The following SP4 variants were observed in gnomAD, a reference collection of about 807,000 sequenced individuals.
SP4 encodes transcription factor Sp4.
SP4 carries 19 observed loss-of-function variants against 72.8 expected under a neutral mutation model. The observed-to-expected ratio is 0.26, with a 90% CI of 0.18 to 0.38. SP4 has a LOEUF of 0.38. SP4 is among the 10% of genes least tolerant of loss of function. The pLI is 1.00. For synonymous variants in SP4, 395 were observed against 333.1 expected, an observed-to-expected ratio of 1.19 and a Z score of -2.02; for missense variants, 1,008 against 926.3, an observed-to-expected ratio of 1.09 and a Z score of -1.14.
intron 4 of SP4, among the ~76,000 whole-genome samples, chr7:21,477,704 C>A (rs925011313): frequency 1.1e-4 from 17 of 152,004 alleles, no homozygotes; most frequent in African/African-American, 4.1e-4. Flanking sequence ...CCACACCCGG[C>A]TAGTTTTTGT....
At chr7:21,439,273 G>T (rs9639377) in intron 3 of SP4, among the ~76,000 whole-genome samples, 109,698 of 152,120 alleles carry the variant, frequency 0.72, 40,581 homozygotes, top group East Asian at 0.9. Flanking sequence ...ACTCACAGCT[G>T]TAAATTTGTC....
intron 3 of SP4, among the ~76,000 whole-genome samples, chr7:21,465,494 G>A (rs1228197488): frequency 6.6e-6 from 1 of 152,186 alleles, no homozygotes; most frequent in Non-Finnish European, 1.5e-5. Context: ...TTAGAAGACA[G>A]CATTAGACAA....
Position 21,505,714 on chromosome 7 carries a change from C to T in SP4, c.2108-5308C>T, listed in dbSNP as rs541657625. On this transcript the variant is annotated intron_variant, in intron 5 of 5. Coordinates refer to ENST00000222584, the MANE Select transcript of SP4 (RefSeq NM_003112.5). ...GTCACCACAGGGTGGTAGGTCTGGACAGTTTGATTTATAGCCCTTAGATCT... is the reference window on the plus strand; with the variant it reads ...GTCACCACAGGGTGGTAGGTCTGGATAGTTTGATTTATAGCCCTTAGATCT... 1.1e-4 allele frequency among the ~76,000 whole-genome samples: 17 copies of T among 152,268 alleles called. No individual in the cohort carries two copies. In the South Asian group the frequency reaches 2.9e-3, roughly 26 times the overall value.
At chr7:21,478,081 T>A (rs1028730496) in intron 4 of SP4, among the ~76,000 whole-genome samples, 3 of 152,204 alleles carry the variant, frequency 2.0e-5, no homozygotes, top group Admixed American at 1.3e-4. Context: ...AATTTCTGTC[T>A]TTATAGATTT....
At chr7:21,436,678 T>G (rs1303431575) in intron 3 of SP4, among the ~76,000 whole-genome samples, 1 of 152,194 alleles carries the variant, frequency 6.6e-6, no homozygotes, top group African/African-American at 2.4e-5. Flanking sequence ...GAGTTAAGAT[T>G]GGCTGTTAAG....
intron 3 of SP4, among the ~76,000 whole-genome samples, chr7:21,432,013 C>T (rs1179125354): frequency 6.6e-6 from 1 of 152,150 alleles, no homozygotes; most frequent in East Asian, 1.9e-4. Flanking sequence ...TATCTAGATA[C>T]CAGTGCTTCT....
rs186129225 is a variant in SP4, at chr7:21,432,811, T to C, written c.1678+1968T>C. Among the ~76,000 whole-genome samples the C allele has an allele frequency of 4.2e-4, 64 of 152,068 alleles. 1 individual carries two copies. Among genetic ancestry groups the C allele is most frequent in the Non-Finnish European group, 7.5e-4 (51 of 67,966 alleles). Reference sequence around the variant, plus strand: ...TAGTTCAAGACCAGCCTGGGCAACATAGGGAGACCCCGTCTCTACAAAAAA... The same window carrying C: ...TAGTTCAAGACCAGCCTGGGCAACACAGGGAGACCCCGTCTCTACAAAAAA... On this transcript the variant is annotated intron_variant, in intron 3 of 5. Coordinates refer to ENST00000222584, the MANE Select transcript of SP4 (RefSeq NM_003112.5).
chr7:21,466,856 C>T (rs1784182423), intron 3 of SP4, among the ~76,000 whole-genome samples: 1 of 151,928 alleles, frequency 6.6e-6, no homozygotes, highest in Admixed American at 6.6e-5. Context: ...AAAACTGTCA[C>T]AGCCTATTCC....
Position 21,429,576 on chromosome 7 carries a change from T to G in SP4, c.411T>G (p.Pro137=). Residue 137 remains proline (P), a synonymous_variant, in exon 3 of 6, where the codon CCT becomes CCG. Coordinates refer to ENST00000222584, the MANE Select transcript of SP4 (RefSeq NM_003112.5). ...GCAGTAATAACGGGAGTGCATCTCC[T>G]ACAAAAACTAAATCAGGTAATTCTT... The part of the protein sequence containing the change: ...SSSSNNGSAS[P]TKTKSGNSST... 1 of 1,614,180 alleles carries G rather than the reference T, an allele frequency of 6.2e-7. No individual in the cohort carries two copies. The highest frequency in any genetic ancestry group is 8.5e-7 in the Non-Finnish European group (1 of 1,180,008).
Position 21,456,498 on chromosome 7 carries a change from C to T in SP4, c.1679-20581C>T, listed in dbSNP as rs374443865. On this transcript the variant is annotated intron_variant, in intron 3 of 5. Transcript: ENST00000222584. Reference sequence around the variant, plus strand: ...GGGAATATCCATCCACAAGGGAGCCCCTGTCTGCTGCCAAGCACACAGCAA... The same window carrying T: ...GGGAATATCCATCCACAAGGGAGCCTCTGTCTGCTGCCAAGCACACAGCAA... Among the ~76,000 whole-genome samples the T allele has an allele frequency of 1.0e-3, 153 of 152,280 alleles. 1 individual carries two copies. Among genetic ancestry groups the T allele is most frequent in the African/African-American group, 3.6e-3 (148 of 41,538 alleles).
At chr7:21,475,391 G>C (rs1784469298) in intron 3 of SP4, among the ~76,000 whole-genome samples, 1 of 151,994 alleles carries the variant, frequency 6.6e-6, no homozygotes, top group Non-Finnish European at 1.5e-5. Context: ...TGGGATTACA[G>C]GCCTGAGCCA....
chr7:21,508,593 C>G (rs953937918), intron 5 of SP4, among the ~76,000 whole-genome samples: 4 of 152,120 alleles, frequency 2.6e-5, no homozygotes, highest in African/African-American at 4.8e-5. Flanking sequence ...TCCTAAAGTG[C>G]TGGGATTACA....
chr7:21,500,038 C>T lies in SP4; in HGVS notation c.2108-10984C>T, dbSNP rs558983823. Among the ~76,000 whole-genome samples the T allele has an allele frequency of 8.5e-5, 13 of 152,150 alleles. No individual in the cohort carries two copies. The South Asian group carries it at 1.0e-3, about 12-fold the overall frequency. ...TAAGAATATTAAAATAGTAAGTAGT[C>T]GAATGTAGTTTCTGGAACATTGTAT... is the stretch of plus-strand genomic sequence containing the variant. On this transcript the variant is annotated intron_variant, in intron 5 of 5. Transcript: ENST00000222584.
intron 3 of SP4, among the ~76,000 whole-genome samples, chr7:21,470,124 C>G (rs976430375): frequency 8.5e-5 from 13 of 152,192 alleles, no homozygotes; most frequent in African/African-American, 3.1e-4. Context: ...AACTAGCTGT[C>G]ATTTAGCAGC....
chr7:21,482,696 A>G (rs1327591920), intron 5 of SP4: 1 of 981,942 alleles, frequency 1.0e-6, no homozygotes, highest in Non-Finnish European at 1.2e-6. Flanking sequence ...TCTAAGTTTT[A>G]CGTACACTTT....
intron 3 of SP4, among the ~76,000 whole-genome samples, chr7:21,457,966 G>A (rs1056968200): frequency 6.6e-6 from 1 of 152,148 alleles, no homozygotes; most frequent in African/African-American, 2.4e-5. Context: ...CATAGGTATT[G>A]TAAATTCATG....
intron 3 of SP4, among the ~76,000 whole-genome samples, chr7:21,471,947 C>G (rs190801002): frequency 1.6e-4 from 24 of 152,264 alleles, no homozygotes; most frequent in Admixed American, 1.6e-3. Context: ...AATAGTTGCT[C>G]TTGTTGTCAG....
intron 3 of SP4, among the ~76,000 whole-genome samples, chr7:21,443,937 C>T (rs376882485): frequency 2.6e-5 from 4 of 152,282 alleles, no homozygotes; most frequent in African/African-American, 9.6e-5. Flanking sequence ...CTTGTTGAAG[C>T]AAACTTTATT....
chr7:21,495,230 A>T (rs1373496663), intron 5 of SP4, among the ~76,000 whole-genome samples: 1 of 152,100 alleles, frequency 6.6e-6, no homozygotes, highest in African/African-American at 2.4e-5. Flanking sequence ...AAAATCAGTA[A>T]ATAGGACTTG....
Sources: gnomAD v4.1 joint callset for allele counts (sites outside exome capture counted in the v4.1 genomes callset) on GRCh38, gnomAD v4.1.1 for gene constraint, MANE v1.5 for transcripts, NCBI Gene and HGNC (gene_info 2026-07-23, HGNC 2026-07-21) for gene names.